The following SERINC5 variants were observed in gnomAD, a reference collection of about 807,000 sequenced individuals.
The protein encoded by SERINC5 is chromosome 5 open reading frame 12.
Under a neutral mutation model 63.1 loss-of-function variants are expected in SERINC5, and 41 were observed. The observed-to-expected ratio is 0.65, with a 90% CI of 0.51 to 0.84. The LOEUF (loss-of-function observed/expected upper bound fraction) is 0.84. SERINC5 is among the 40% of genes least tolerant of loss of function. The probability of loss-of-function intolerance (pLI) is 0.00; values close to 1 mark genes in which losing one functional copy is unlikely to be tolerated. For synonymous variants in SERINC5, 222 were observed against 215.2 expected, an observed-to-expected ratio of 1.03 and a Z score of -0.28; for missense variants, 523 against 573.0, an observed-to-expected ratio of 0.91 and a Z score of 0.89.
Position 80,158,826 on chromosome 5 carries a change from C to T in SERINC5, c.986+10G>A, listed in dbSNP as rs1348838101. On this transcript the variant is annotated intron_variant, in intron 8 of 11. Coordinates refer to ENST00000507668, the MANE Select transcript of SERINC5 (RefSeq NM_001174072.3). ...TGCAAAAGTGACCTTGAGTAACTCC[C>T]AAGACTTACCATGAATACAAGATAC... 6.2e-7 allele frequency: 1 copy of T among 1,612,336 alleles called. No individual in the cohort carries two copies. Among genetic ancestry groups the T allele is most frequent in the Non-Finnish European group, 8.5e-7 (1 of 1,179,534 alleles).
chr5:80,191,231 C>G (rs1024087031), intron 2 of SERINC5, among the ~76,000 whole-genome samples: 5 of 151,842 alleles, frequency 3.3e-5, no homozygotes, highest in African/African-American at 1.2e-4. Flanking sequence ...TAAAGACACC[C>G]TCCTCTGCTC....
intron 2 of SERINC5, among the ~76,000 whole-genome samples, chr5:80,181,106 G>A (rs554150669): frequency 6.6e-6 from 1 of 152,192 alleles, no homozygotes; most frequent in Non-Finnish European, 1.5e-5. Context: ...GCTATCTACT[G>A]GGCAGGGGGG....
chr5:80,127,324 C>T (rs1422103564), intron 11 of SERINC5, among the ~76,000 whole-genome samples: 1 of 152,162 alleles, frequency 6.6e-6, no homozygotes, highest in African/African-American at 2.4e-5. Flanking sequence ...GAAGCAGAAG[C>T]TCTGATTCAT....
At chr5:80,136,117 C>G (rs750156679), downstream of SERINC5, among the ~76,000 whole-genome samples, 1 of 152,000 alleles carries the variant, frequency 6.6e-6, no homozygotes, top group Non-Finnish European at 1.5e-5. Context: ...AATCCCAGCA[C>G]TTTGGGAGGC....
chr5:80,113,403 T>C (rs565821192), intron 12 of SERINC5, among the ~76,000 whole-genome samples: 1 of 152,322 alleles, frequency 6.6e-6, no homozygotes, highest in South Asian at 2.1e-4. Context: ...CTGAGTGGCA[T>C]AGCCATTCAT....
chr5:80,154,987 C>T (rs1322091612), intron 8 of SERINC5, among the ~76,000 whole-genome samples: 1 of 152,110 alleles, frequency 6.6e-6, no homozygotes, highest in Non-Finnish European at 1.5e-5. Flanking sequence ...CCACCAGTGT[C>T]CCTAAATACT....
At chr5:80,137,684 G>A (rs1211948205), downstream of SERINC5, among the ~76,000 whole-genome samples, 3 of 143,650 alleles carry the variant, frequency 2.1e-5, no homozygotes, top group Admixed American at 1.4e-4. Flanking sequence ...GCTCACGTCT[G>A]TAATCCCAGC....
rs1409864988 is a variant in SERINC5 at position 80,142,112 on chromosome 5, T to A, written c.*1551A>T. ...GAGCCTTTTATTCTTAGATCCTCACTTACAGAGAGCTCGAGAAGATTCTTT... is the reference window on the plus strand; with the variant it reads ...GAGCCTTTTATTCTTAGATCCTCACATACAGAGAGCTCGAGAAGATTCTTT... On this transcript the variant is annotated 3_prime_UTR_variant, in exon 12 of 12. Coordinates refer to ENST00000507668, the MANE Select transcript of SERINC5 (RefSeq NM_001174072.3). 5 of 985,434 alleles carry A rather than the reference T, an allele frequency of 5.1e-6. No homozygotes were observed. In the South Asian group the frequency reaches 1.9e-4, roughly 37 times the overall value. 61.0% of individuals were successfully genotyped at this position (985,434 alleles called of 1,614,324 possible).
intron 8 of SERINC5, chr5:80,158,426 G>C: frequency 5.6e-6 from 1 of 177,136 alleles, no homozygotes; most frequent in Admixed American, 5.5e-5. Context: ...ATTTCCTTTG[G>C]ATCAGAAAGC....
intron 8 of SERINC5, among the ~76,000 whole-genome samples, chr5:80,151,936 G>A (rs1746214905): frequency 6.6e-6 from 1 of 150,812 alleles, no homozygotes; most frequent in Non-Finnish European, 1.5e-5. Context: ...ACACTGCGCA[G>A]TCTCATCCTC....
chr5:80,130,500 C>T (rs1249053537), intron 11 of SERINC5, among the ~76,000 whole-genome samples: 2 of 152,160 alleles, frequency 1.3e-5, no homozygotes, highest in African/African-American at 2.4e-5. Context: ...CAACAGGGCC[C>T]TATCTGTAAT....
chr5:80,154,466 A>G (rs574254681), intron 8 of SERINC5, among the ~76,000 whole-genome samples: 7 of 152,080 alleles, frequency 4.6e-5, no homozygotes, highest in African/African-American at 1.7e-4. Context: ...GGCGTGAGCC[A>G]TCACGCCTGG....
intron 2 of SERINC5, among the ~76,000 whole-genome samples, chr5:80,181,640 CTG>C (rs1288223479): frequency 6.7e-6 from 1 of 150,094 alleles, no homozygotes; most frequent in African/African-American, 2.4e-5. Flanking sequence ...ATTCCTAAAA[CTG>C]TACATTTTTT....
intron 7 of SERINC5, among the ~76,000 whole-genome samples, chr5:80,160,999 TATAC>T (rs1746864871): frequency 6.7e-6 from 1 of 150,230 alleles, no homozygotes; most frequent in African/African-American, 2.4e-5. Context: ...TATGTATATA[TATAC>T]GTGTATATAT....
chr5:80,216,270 C>T (rs911529922), intron 1 of SERINC5, among the ~76,000 whole-genome samples: 4 of 152,268 alleles, frequency 2.6e-5, no homozygotes, highest in Admixed American at 1.3e-4. Flanking sequence ...CTGCCTCTAC[C>T]CGCTAGATGC....
downstream of SERINC5, among the ~76,000 whole-genome samples, chr5:80,137,075 G>A (rs949021649): frequency 8.8e-5 from 13 of 148,520 alleles, no homozygotes; most frequent in East Asian, 2.1e-4. Context: ...GGCTGACAGA[G>A]GTTGCAGTGA....
chr5:80,204,344 C>T (rs890685604), intron 1 of SERINC5, among the ~76,000 whole-genome samples: 3 of 152,114 alleles, frequency 2.0e-5, no homozygotes, highest in African/African-American at 2.4e-5. Context: ...GAGGTCTGTG[C>T]GAACTCTAGG....
intron 1 of SERINC5, among the ~76,000 whole-genome samples, chr5:80,230,778 T>C (rs1055903177): frequency 9.5e-6 from 1 of 104,750 alleles, no homozygotes; most frequent in East Asian, 2.5e-4. Context: ...GTATAATTTC[T>C]CTCTTTCTTT....
chr5:80,213,637 G>C (rs1750535243), intron 1 of SERINC5, among the ~76,000 whole-genome samples: 1 of 152,156 alleles, frequency 6.6e-6, no homozygotes, highest in Admixed American at 6.6e-5. Flanking sequence ...TAAGCATTCA[G>C]CAAGTATCTG....
Sources: gnomAD v4.1 joint callset for allele counts (sites outside exome capture counted in the v4.1 genomes callset) on GRCh38, gnomAD v4.1.1 for gene constraint, MANE v1.5 for transcripts, NCBI Gene and HGNC (gene_info 2026-07-23, HGNC 2026-07-21) for gene names.